FSTL4: variants seen among roughly 807,000 people sequenced by gnomAD.
FSTL4 encodes follistatin-related protein 4.
A neutral mutation model predicts 78.2 loss-of-function variants in FSTL4; 28 were observed. The observed-to-expected ratio is 0.36, with a 90% confidence interval of 0.27 to 0.49. The LOEUF (loss-of-function observed/expected upper bound fraction) is 0.49. Ranked by LOEUF, FSTL4 falls within the 20% of genes least tolerant of loss-of-function variation. The pLI is 0.98. For synonymous variants in FSTL4, 422 were observed against 440.5 expected (o/e 0.96, Z 0.53); for missense variants, 922 against 1,084.9 (o/e 0.85, Z 2.11).
the FSTL4 span, among the ~76,000 whole-genome samples, chr5:133,797,863 G>C: frequency 6.6e-6 from 1 of 152,084 alleles, no homozygotes; most frequent in African/African-American, 2.4e-5. Context: ...CCCGCCGCAG[G>C]GGACCCAGCC....
At chr5:133,209,156 T>TA (rs1169379419) in intron 14 of FSTL4, among the ~76,000 whole-genome samples, 2 of 152,184 alleles carry the variant, frequency 1.3e-5, no homozygotes, top group Admixed American at 1.3e-4. Flanking sequence ...TCTGATAGGT[T>TA]ATTACTATTT....
intron 3 of FSTL4, among the ~76,000 whole-genome samples, chr5:133,474,915 C>T (rs1234574873): frequency 6.6e-6 from 1 of 152,242 alleles, no homozygotes; most frequent in Admixed American, 6.5e-5. Context: ...CATGGGGGAA[C>T]TCAGCCTCAC....
At chr5:133,292,043 C>T (rs935985129) in intron 6 of FSTL4, among the ~76,000 whole-genome samples, 1 of 152,192 alleles carries the variant, frequency 6.6e-6, no homozygotes, top group African/African-American at 2.4e-5. Context: ...CCTTGAGTCT[C>T]CACCCAGCCC....
At chr5:133,336,305 C>T (rs1266315385) in intron 4 of FSTL4, among the ~76,000 whole-genome samples, 1 of 152,234 alleles carries the variant, frequency 6.6e-6, no homozygotes, top group Non-Finnish European at 1.5e-5. Flanking sequence ...AAGCACTGAC[C>T]CCACCCTGCC....
At chr5:133,608,716 A>G (rs1043998416) in intron 1 of FSTL4, among the ~76,000 whole-genome samples, 1 of 152,268 alleles carries the variant, frequency 6.6e-6, no homozygotes, top group Non-Finnish European at 1.5e-5. Context: ...GCTATTATTT[A>G]TCTGTATTTA....
rs777796942 is a variant in FSTL4, at chr5:133,440,003, C to T, written c.161-39017G>A. 1.1e-4 allele frequency among the ~76,000 whole-genome samples: 16 copies of T among 152,158 alleles called. No individual in the cohort carries two copies. The highest frequency in any genetic ancestry group is 2.1e-4 in the Non-Finnish European group (14 of 68,026). On this transcript the variant is annotated intron_variant, in intron 3 of 15. Transcript: ENST00000265342. This position sits in a 1 kb window ranked among gnomAD's most constrained non-coding sequence, Gnocchi z 4.1. ...TGTAAGCATAGAGGATCTGTTCAGT[C>T]ATGCTGCAGACCCACAGTTCTTAGT...
the FSTL4 span, among the ~76,000 whole-genome samples, chr5:133,811,149 C>T: frequency 1.3e-5 from 2 of 152,146 alleles, no homozygotes; most frequent in African/African-American, 4.8e-5. Context: ...TGCACCCAAA[C>T]AAAACCTCTA....
chr5:133,452,695 T>C (rs1451857389), intron 3 of FSTL4, among the ~76,000 whole-genome samples: 1 of 152,224 alleles, frequency 6.6e-6, no homozygotes, highest in Non-Finnish European at 1.5e-5. Flanking sequence ...AGGTTGTAAG[T>C]AGTAGAGCCA....
chr5:133,697,499 C>T, the FSTL4 span, among the ~76,000 whole-genome samples: 85 of 152,356 alleles, frequency 5.6e-4, no homozygotes, highest in Admixed American at 1.4e-3. Context: ...TCTACCCCAC[C>T]TTCTCCATTT....
the FSTL4 span, among the ~76,000 whole-genome samples, chr5:133,740,946 TGG>T: frequency 3.1e-4 from 47 of 151,452 alleles, no homozygotes; most frequent in Non-Finnish European, 1.9e-4. Flanking sequence ...GATGGATGGA[TGG>T]ATGGATGGAT....
At chr5:133,733,423 C>A in the FSTL4 span, among the ~76,000 whole-genome samples, 14 of 152,172 alleles carry the variant, frequency 9.2e-5, no homozygotes, top group Admixed American at 6.5e-4. Flanking sequence ...GCACAAAACA[C>A]CCCCATGTGA....
chr5:133,443,088 G>A (rs1000594158), intron 3 of FSTL4, among the ~76,000 whole-genome samples: 5 of 152,136 alleles, frequency 3.3e-5, no homozygotes, highest in African/African-American at 4.8e-5. Flanking sequence ...TTATTTCTGC[G>A]CATCCTCAAC....
intron 6 of FSTL4, among the ~76,000 whole-genome samples, chr5:133,264,332 G>A (rs572357184): frequency 9.5e-4 from 144 of 152,126 alleles, no homozygotes; most frequent in African/African-American, 3.0e-3. Flanking sequence ...TGCCCTGCCC[G>A]AGGCAGGGGA....
chr5:133,215,861 C>T (rs910635794), intron 13 of FSTL4, among the ~76,000 whole-genome samples: 8 of 152,140 alleles, frequency 5.3e-5, no homozygotes, highest in African/African-American at 1.9e-4. Context: ...CTCACATTGC[C>T]TTTTTCATCT....
the FSTL4 span, among the ~76,000 whole-genome samples, chr5:133,625,299 G>T: frequency 6.6e-6 from 1 of 151,704 alleles, no homozygotes; most frequent in Non-Finnish European, 1.5e-5. Context: ...TTTCCTAATA[G>T]TTATAGGACT....
chr5:133,611,538 T>C lies in FSTL4; in HGVS notation c.-11+787A>G, dbSNP rs1486661635. Among the ~76,000 whole-genome samples, 1 of 152,134 alleles carries C rather than the reference T, an allele frequency of 6.6e-6. No individual in the cohort carries two copies. Among genetic ancestry groups the C allele is most frequent in the Non-Finnish European group, 1.5e-5 (1 of 68,024 alleles). On this transcript the variant is annotated intron_variant, in intron 1 of 15. Coordinates refer to ENST00000265342, the MANE Select transcript of FSTL4 (RefSeq NM_015082.2). The surrounding 1 kb of genome is among the most constrained non-coding windows in gnomAD (Gnocchi z 4.9). Reference sequence around the variant, plus strand: ...GCGGGCGCAAAGAGGGCGGAGATCATCCACAGTGCAAGCTCTCTTAGGACC... The same window carrying C: ...GCGGGCGCAAAGAGGGCGGAGATCACCCACAGTGCAAGCTCTCTTAGGACC...
At chr5:133,352,316 A>T (rs1754845832) in intron 4 of FSTL4, among the ~76,000 whole-genome samples, 1 of 123,160 alleles carries the variant, frequency 8.1e-6, no homozygotes, top group South Asian at 2.5e-4. Context: ...ATATATACAC[A>T]CATATATATA....
chr5:133,412,650 C>T (rs1000381685), intron 3 of FSTL4, among the ~76,000 whole-genome samples: 1 of 152,166 alleles, frequency 6.6e-6, no homozygotes, highest in African/African-American at 2.4e-5. Context: ...AGAACGGTGT[C>T]TTTCATTTTG....
chr5:133,605,256 G>T (rs1411703562), intron 1 of FSTL4, among the ~76,000 whole-genome samples: 4 of 152,124 alleles, frequency 2.6e-5, no homozygotes, highest in African/African-American at 9.7e-5. Context: ...ACACAATTTA[G>T]TGCTTAATCA....
Sources: gnomAD v4.1 joint callset for allele counts (sites outside exome capture counted in the v4.1 genomes callset) on GRCh38, gnomAD v4.1.1 for gene constraint, Gnocchi (gnomAD v3.1) non-coding constraint, MANE v1.5 for transcripts, NCBI Gene and HGNC (gene_info 2026-07-23, HGNC 2026-07-21) for gene names.